CNBD1: variants seen among roughly 807,000 people sequenced by gnomAD.
CNBD1 encodes cyclic nucleotide binding domain containing 1.
In CNBD1, 71 loss-of-function variants were observed where a neutral mutation model predicts 54.4. The ratio of observed to expected loss-of-function variants is 1.30; its 90% CI spans 1.08 to 1.59. The LOEUF is 1.59. CNBD1 is among the 40% of genes most tolerant of loss of function. The pLI is 0.00. For missense variants in CNBD1, 659 were observed against 518.0 expected (o/e 1.27, Z -2.64); for synonymous variants, 182 against 170.7 (o/e 1.07, Z -0.51).
In CNBD1 at chr8:87,411,487, G is replaced by A. The variant is rs552484248; in HGVS notation, c.214-17059G>A. Among the ~76,000 whole-genome samples, 72 of 141,346 alleles carry A rather than the reference G, an allele frequency of 5.1e-4. No individual in the cohort carries two copies. The South Asian group carries it at 0.016, about 31-fold the overall frequency. 92.7% of individuals were successfully genotyped at this position (141,346 alleles called of 152,430 possible). ...ATTATCCTCCAAACATTGTATTATTGCCAAAAGTTGTTGATTCATATCCAA... is the reference window on the plus strand; with the variant it reads ...ATTATCCTCCAAACATTGTATTATTACCAAAAGTTGTTGATTCATATCCAA... On this transcript the variant is annotated intron_variant, in intron 2 of 7. Coordinates refer to the CNBD1 transcript ENST00000521593.
chr8:87,318,475 G>T (rs1809448184), intron 8 of CNBD1, among the ~76,000 whole-genome samples: 1 of 152,010 alleles, frequency 6.6e-6, no homozygotes, highest in Non-Finnish European at 1.5e-5. Flanking sequence ...TGCATACTCT[G>T]TCCAATACAC....
chr8:87,345,825 C>T (rs1423650355), intron 8 of CNBD1, among the ~76,000 whole-genome samples: 2 of 151,954 alleles, frequency 1.3e-5, no homozygotes, highest in Non-Finnish European at 2.9e-5. Flanking sequence ...TGAGTACACC[C>T]AGAGTAATTA....
At chr8:87,113,916 CAAA>C (rs11415653) in intron 4 of CNBD1, among the ~76,000 whole-genome samples, 1 of 130,080 alleles carries the variant, frequency 7.7e-6, no homozygotes, top group Non-Finnish European at 1.7e-5. Context: ...GACTCTGTCT[CAAA>C]AAAAAAAAGA....
chr8:87,243,988 T>C (rs111399518), intron 6 of CNBD1, among the ~76,000 whole-genome samples: 1 of 152,150 alleles, frequency 6.6e-6, no homozygotes, highest in Admixed American at 6.6e-5. Flanking sequence ...CCCTGAAAAT[T>C]TGAGACAGGT....
chr8:87,393,875 TA>T, intron 2 of CNBD1, among the ~76,000 whole-genome samples: 1 of 151,866 alleles, frequency 6.6e-6, no homozygotes, highest in South Asian at 2.1e-4. Flanking sequence ...ATGTGAGTGT[TA>T]GTGAAAAGAT....
chr8:87,075,951 C>G (rs781412309), intron 4 of CNBD1, among the ~76,000 whole-genome samples: 1 of 152,050 alleles, frequency 6.6e-6, no homozygotes, highest in Non-Finnish European at 1.5e-5. Context: ...GAGAGAGACT[C>G]CTTTAGCCCT....
chr8:87,280,577 C>T (rs1212479306), intron 6 of CNBD1, among the ~76,000 whole-genome samples: 1 of 151,328 alleles, frequency 6.6e-6, no homozygotes, highest in African/African-American at 2.4e-5. Context: ...TCTAATTTTA[C>T]TTATGGATCT....
At chr8:87,402,957 C>A (rs748002589) in intron 2 of CNBD1, among the ~76,000 whole-genome samples, 12 of 151,992 alleles carry the variant, frequency 7.9e-5, no homozygotes, top group Non-Finnish European at 1.8e-4. Flanking sequence ...TTATATCATA[C>A]AATTGTGTTA....
chr8:87,186,816 C>T (rs1339061777), intron 4 of CNBD1, among the ~76,000 whole-genome samples: 2 of 151,726 alleles, frequency 1.3e-5, no homozygotes, highest in African/African-American at 4.8e-5. Context: ...ATGCATATGG[C>T]AAGATTGTTA....
intron 1 of CNBD1, among the ~76,000 whole-genome samples, chr8:86,884,239 T>C (rs1808648959): frequency 6.6e-6 from 1 of 151,764 alleles, no homozygotes; most frequent in Non-Finnish European, 1.5e-5. Context: ...CCCCATTTTC[T>C]CTTCTCAGGT....
intron 8 of CNBD1, among the ~76,000 whole-genome samples, chr8:87,346,468 A>G (rs1194614495): frequency 6.6e-6 from 1 of 151,878 alleles, no homozygotes; most frequent in African/African-American, 2.4e-5. Flanking sequence ...TTGTAATCCA[A>G]TTGGCCAATT....
intron 4 of CNBD1, among the ~76,000 whole-genome samples, chr8:87,180,567 G>A (rs1807534356): frequency 6.6e-6 from 1 of 152,040 alleles, no homozygotes; most frequent in African/African-American, 2.4e-5. Flanking sequence ...GAGGTGGTGT[G>A]AGCCTGAAAT....
At chr8:87,307,907 G>C (rs1809191643) in intron 8 of CNBD1, among the ~76,000 whole-genome samples, 1 of 151,906 alleles carries the variant, frequency 6.6e-6, no homozygotes, top group Non-Finnish European at 1.5e-5. Flanking sequence ...CAACTAGGAA[G>C]TTCAGGCATT....
intron 4 of CNBD1, among the ~76,000 whole-genome samples, chr8:86,955,665 C>A (rs1025811064): frequency 6.6e-6 from 1 of 152,196 alleles, no homozygotes; most frequent in Admixed American, 6.5e-5. Flanking sequence ...CCTTTGCCCA[C>A]TTTTTGATGG....
At chr8:87,361,748 A>C (rs1033863424) in intron 10 of CNBD1, among the ~76,000 whole-genome samples, 1 of 150,760 alleles carries the variant, frequency 6.6e-6, no homozygotes, top group Admixed American at 6.6e-5. Flanking sequence ...CTAATATGTC[A>C]TCCCCCAAGA....
intron 7 of CNBD1, among the ~76,000 whole-genome samples, chr8:87,285,582 C>A (rs1382009035): frequency 6.6e-6 from 1 of 151,932 alleles, no homozygotes; most frequent in Non-Finnish European, 1.5e-5. Flanking sequence ...ACTAAAAAGA[C>A]AAAATTAGCC....
intron 10 of CNBD1, among the ~76,000 whole-genome samples, chr8:87,359,973 ACAG>A (rs1810495345): frequency 6.6e-6 from 1 of 152,054 alleles, no homozygotes; most frequent in Admixed American, 6.6e-5. Context: ...ATTGTTAAAA[ACAG>A]CAATTCTTTT....
In CNBD1 at chr8:87,320,747, C is replaced by T. The variant is rs77712875; in HGVS notation, c.1043-30938C>T. On this transcript the variant is annotated intron_variant, in intron 8 of 10. Coordinates refer to ENST00000518476, the MANE Select transcript of CNBD1 (RefSeq NM_173538.3). Reference sequence around the variant, plus strand: ...ATAAAAAACATGAGACCTATCCTAACAAATTTTATGTGCACATTACAGCAT... The same window carrying T: ...ATAAAAAACATGAGACCTATCCTAATAAATTTTATGTGCACATTACAGCAT... Among the ~76,000 whole-genome samples the T allele has an allele frequency of 9.7e-3, 1,472 of 152,102 alleles. 19 individuals carry two copies. Among genetic ancestry groups the T allele is most frequent in the African/African-American group, 0.033 (1,349 of 41,506 alleles).
At chr8:87,159,948 AC>A (rs1241817259) in intron 4 of CNBD1, among the ~76,000 whole-genome samples, 5 of 152,078 alleles carry the variant, frequency 3.3e-5, no homozygotes, top group South Asian at 2.1e-4. Context: ...TCCAGAAACA[AC>A]CATACACACC....
Sources: allele counts gnomAD v4.1 joint callset (sites outside exome capture counted in the v4.1 genomes callset), GRCh38; gene constraint gnomAD v4.1.1; transcripts MANE v1.5; gene names NCBI Gene and HGNC (gene_info 2026-07-23, HGNC 2026-07-21).